Variants in JPH3 observed in about 807,000 individuals in gnomAD.
JPH3 encodes the protein junctophilin-3.
JPH3 carries 11 observed loss-of-function variants against 59.6 expected under a neutral mutation model. The ratio of observed to expected loss-of-function variants is 0.18; its 90% confidence interval spans 0.12 to 0.31. The LOEUF is 0.31. Among genes scored for constraint, JPH3 ranks in the 10% least tolerant of loss-of-function variants. JPH3 has a pLI of 1.00. For synonymous variants in JPH3, 673 were observed against 483.6 expected, an observed-to-expected ratio of 1.39 and a Z score of -5.14; for missense variants, 1,202 against 1,105.7, an observed-to-expected ratio of 1.09 and a Z score of -1.24.
chr16:87,661,258 C>T (rs527272679), intron 2 of JPH3, among the ~76,000 whole-genome samples: 198 of 152,338 alleles, frequency 1.3e-3, no homozygotes, highest in African/African-American at 4.6e-3. Flanking sequence ...TGATTATCCA[C>T]CCAGATAATC....
chr16:87,689,615 C>G, intron 3 of JPH3, 31 bp from the exon 4 acceptor site: 6 of 1,603,946 alleles, frequency 3.7e-6, no homozygotes, highest in Non-Finnish European at 5.1e-6. Context: ...CTGGGTAACG[C>G]CGTCTGGCGT....
intron 1 of JPH3, among the ~76,000 whole-genome samples, chr16:87,603,915 C>G (rs559261807): frequency 2.0e-5 from 3 of 152,262 alleles, no homozygotes; most frequent in African/African-American, 4.8e-5. Flanking sequence ...CTTTGCCCCC[C>G]ACCCTGGAGG....
chr16:87,646,737 G>T (rs956458583), intron 2 of JPH3, among the ~76,000 whole-genome samples: 2 of 152,090 alleles, frequency 1.3e-5, no homozygotes, highest in Non-Finnish European at 2.9e-5. Flanking sequence ...CGGCGTCACG[G>T]AATTGAGGAA....
intron 2 of JPH3, among the ~76,000 whole-genome samples, chr16:87,651,061 T>C (rs1322057308): frequency 6.6e-6 from 1 of 152,242 alleles, no homozygotes; most frequent in Admixed American, 6.5e-5. Context: ...AAATGTTAAC[T>C]TGAAGCCAGT....
chr16:87,695,778 C>T (rs971110894), intron 4 of JPH3: 17 of 456,064 alleles, frequency 3.7e-5, no homozygotes, highest in Admixed American at 3.5e-4. Context: ...CTGCAAGAAT[C>T]ACTGCAGAAG....
intron 1 of JPH3, among the ~76,000 whole-genome samples, chr16:87,630,445 G>T (rs989060734): frequency 6.6e-6 from 1 of 152,160 alleles, no homozygotes; most frequent in African/African-American, 2.4e-5. Context: ...TCCCCAGCCA[G>T]TCCTCCCTGG....
chr16:87,622,021 C>T (rs2031203128), intron 1 of JPH3, among the ~76,000 whole-genome samples: 1 of 152,298 alleles, frequency 6.6e-6, no homozygotes, highest in Non-Finnish European at 1.5e-5. Flanking sequence ...GTGACCTTGT[C>T]TGGGGTCACT....
intron 2 of JPH3, among the ~76,000 whole-genome samples, chr16:87,678,549 A>T (rs1044643359): frequency 2.0e-5 from 3 of 152,106 alleles, no homozygotes; most frequent in Non-Finnish European, 4.4e-5. Context: ...ACACACACAC[A>T]CAATATATAT....
At chr16:87,695,301 G>A in intron 4 of JPH3, 1 of 456,050 alleles carries the variant, frequency 2.2e-6, no homozygotes, top group Non-Finnish European at 4.4e-6. Context: ...AGACTTGGGG[G>A]CTTAAAGGAG....
chr16:87,633,495 T>TTA (rs926816158), intron 1 of JPH3, among the ~76,000 whole-genome samples: 228 of 145,626 alleles, frequency 1.6e-3, no homozygotes, highest in Middle Eastern at 6.8e-3. Context: ...AAAAAAAAAT[T>TTA]TATATATATA....
intron 1 of JPH3, among the ~76,000 whole-genome samples, chr16:87,617,522 C>T (rs1026842906): frequency 6.6e-6 from 1 of 150,734 alleles, no homozygotes; most frequent in Non-Finnish European, 1.5e-5. Context: ...GCTGGCAGGG[C>T]AGGGAAATGG....
chr16:87,649,423 G>C (rs1417467299), intron 2 of JPH3, among the ~76,000 whole-genome samples: 16 of 152,236 alleles, frequency 1.1e-4, no homozygotes. Flanking sequence ...TCCCCGGGTG[G>C]ACATAGGAAT....
intron 1 of JPH3, chr16:87,604,409 G>T: frequency 7.1e-6 from 10 of 1,413,196 alleles, no homozygotes; most frequent in Non-Finnish European, 9.3e-6. Flanking sequence ...CCACTCCTCA[G>T]TGCACCTGAC....
intron 1 of JPH3, among the ~76,000 whole-genome samples, chr16:87,630,157 C>A (rs1475393072): frequency 6.6e-6 from 1 of 152,190 alleles, no homozygotes; most frequent in East Asian, 1.9e-4. Flanking sequence ...CTTCAGCCCC[C>A]ACACTGGAGG....
At chr16:87,682,687 T>C (rs1158362372) in intron 2 of JPH3, among the ~76,000 whole-genome samples, 1 of 152,204 alleles carries the variant, frequency 6.6e-6, no homozygotes, top group African/African-American at 2.4e-5. Flanking sequence ...CTGCGGTGCT[T>C]TGTTGCAGCC....
intron 1 of JPH3, among the ~76,000 whole-genome samples, chr16:87,619,600 G>A (rs2031098246): frequency 6.6e-6 from 1 of 152,112 alleles, no homozygotes; most frequent in Admixed American, 6.5e-5. Context: ...TCTGGGGTCC[G>A]GCTGTCACTA....
At chr16:87,617,882 G>C (rs915667232) in intron 1 of JPH3, among the ~76,000 whole-genome samples, 6 of 152,204 alleles carry the variant, frequency 3.9e-5, no homozygotes, top group Admixed American at 3.3e-4. Flanking sequence ...GAGGGGAGTG[G>C]CTGGGCGCGG....
chr16:87,677,551 C>T (rs1022099437), intron 2 of JPH3, among the ~76,000 whole-genome samples: 4 of 152,184 alleles, frequency 2.6e-5, no homozygotes, highest in African/African-American at 7.2e-5. Context: ...CTTACTAAAC[C>T]CCCTGCACAG....
rs190141384 is a variant in JPH3 at position 87,680,254 on chromosome 16, C to A, written c.1161-3888C>A. On this transcript the variant is annotated intron_variant, in intron 2 of 4. Transcript: ENST00000284262. The stretch of plus-strand genomic sequence containing the variant: ...CCGCTTTGCTCCAGTGATCCCTGAG[C>A]CACCACATTGGTAAGACTGGCTGGA... Among the ~76,000 whole-genome samples, 510 of 152,348 alleles carry A rather than the reference C, an allele frequency of 3.3e-3. 10 individuals are homozygous for A. Among genetic ancestry groups the A allele is most frequent in the Non-Finnish European group, 7.9e-4 (54 of 68,032 alleles).
Sources: gnomAD v4.1 joint callset for allele counts (sites outside exome capture counted in the v4.1 genomes callset) on GRCh38, gnomAD v4.1.1 for gene constraint, MANE v1.5 for transcripts, NCBI Gene and HGNC (gene_info 2026-07-23, HGNC 2026-07-21) for gene names.